The following CTU2 variants were observed in gnomAD, a reference collection of about 807,000 sequenced individuals.
The protein encoded by CTU2 is cytoplasmic tRNA 2-thiolation protein 2.
Under a neutral mutation model 64.1 loss-of-function variants are expected in CTU2, and 80 were observed. That is an observed-to-expected ratio of 1.25 (90% CI 1.04 to 1.50). CTU2 has a LOEUF of 1.50. Among genes scored for constraint, CTU2 ranks in the 40% most tolerant of loss-of-function variants. The pLI, the probability that CTU2 is intolerant of heterozygous loss-of-function variation, is 0.00. For synonymous variants in CTU2, 482 were observed against 285.3 expected (o/e 1.69, Z -6.95); for missense variants, 1,110 against 690.2 (o/e 1.61, Z -6.81).
At position 88,706,595 on chromosome 16, in the gene CTU2, C is replaced by A; in HGVS notation, c.65C>A (p.Pro22His). Residue 22 changes from proline (P) to histidine (H), a missense_variant, in exon 1 of 15, where the codon CCC becomes CAC. Transcript: ENST00000453996. ...APEEPPPAPR[P>H]SREQKCVKCK... ...GAGGAGCCGCCCCCGGCGCCGCGGC[C>A]CAGGTAAGAGCTGGCGGCCGGACCC... is the stretch of plus-strand genomic sequence containing the variant. 6.9e-7 allele frequency: 1 copy of A among 1,446,830 alleles called. No homozygotes were observed. The highest frequency in any genetic ancestry group is 9.0e-7 in the Non-Finnish European group (1 of 1,107,214). 89.6% of individuals were successfully genotyped at this position (1,446,830 alleles called of 1,614,324 possible). A position where few individuals can be genotyped will look rare whatever the true frequency, so the allele number is the denominator to read the frequency against.
At position 88,710,478 on chromosome 16, in the gene CTU2, G is replaced by A. The variant is rs1437146410; in HGVS notation, c.282+196G>A. 7 of 593,072 alleles carry A rather than the reference G, an allele frequency of 1.2e-5. No homozygotes were observed. The Admixed American group carries it at 2.1e-4, about 18-fold the overall frequency. The allele number at this position is 593,072 out of a possible 1,614,324, so 36.7% of individuals were successfully genotyped here. ...AGCTGAGTCCACAGTGTGTGTGTGC[G>A]GCCCACTCTCAGATGTGTTTACAGC... On this transcript the variant is annotated intron_variant, in intron 4 of 14. Coordinates refer to ENST00000453996, the MANE Select transcript of CTU2 (RefSeq NM_001012759.3).
intron 9 of CTU2, 88 bp from the exon 10 acceptor site, chr16:88,714,048 G>C: frequency 1.5e-6 from 2 of 1,333,868 alleles, no homozygotes; most frequent in Non-Finnish European, 2.1e-6. Flanking sequence ...CAGCAGCGTG[G>C]AACCCACGGC....
intron 2 of CTU2, among the ~76,000 whole-genome samples, 200 bp downstream of exon 2, chr16:88,707,410 C>A (rs1365623643): frequency 6.6e-6 from 1 of 152,200 alleles, no homozygotes; most frequent in Non-Finnish European, 1.5e-5. Flanking sequence ...TTCCCATGAG[C>A]TAGCCACAGA....
At chr16:88,713,538 C>T in intron 8 of CTU2, 91 bp downstream of exon 8, 2 of 1,433,080 alleles carry the variant, frequency 1.4e-6, no homozygotes, top group East Asian at 2.5e-5. Context: ...CGTATCAGTC[C>T]TGCGGCCTCG....
In CTU2 at chr16:88,713,684, T is replaced by C. The variant is rs1349823745; in HGVS notation, c.911T>C (p.Val304Ala). 1 of 1,612,518 alleles carries C rather than the reference T, an allele frequency of 6.2e-7. No individual in the cohort carries two copies. Among genetic ancestry groups the C allele is most frequent in the Non-Finnish European group, 8.5e-7 (1 of 1,179,832 alleles). ...SDERHGDVVV[V>A]RPMRDHTLKE... ...GAGCGGCACGGGGACGTGGTGGTGG[T>C]GCGGCCCATGCGGGACCACACCCTG... Residue 304 changes from valine (V) to alanine (A), a missense_variant, in exon 9 of 15, where the codon GTG becomes GCG. Coordinates refer to ENST00000453996, the MANE Select transcript of CTU2 (RefSeq NM_001012759.3).
intron 1 of CTU2, chr16:88,706,879 C>T (rs999449565): frequency 5.7e-5 from 32 of 558,624 alleles, no homozygotes; most frequent in South Asian, 3.4e-4. Context: ...TGTCTCGCCT[C>T]CCCGTGTCAG....
At position 88,707,815 on chromosome 16, in the gene CTU2, T is replaced by TC. The variant is rs907290836; in HGVS notation, c.143+605_143+606insC. Among the ~76,000 whole-genome samples the TC allele has an allele frequency of 3.0e-3, 420 of 138,308 alleles. 1 individual carries two copies. Among genetic ancestry groups the TC allele is most frequent in the Middle Eastern group, 7.7e-3 (2 of 260 alleles). 90.7% of individuals were successfully genotyped at this position (138,308 alleles called of 152,430 possible). ...TGGTTTTTTTGTTGTTGTTGTTGTT[T>TC]TTTTTGAGATGGAGTCTCCCTCTGT... On this transcript the variant is annotated intron_variant, in intron 2 of 14. Transcript: ENST00000453996.
chr16:88,707,174 C>G lies in CTU2; in HGVS notation c.107C>G (p.Pro36Arg), dbSNP rs775328559. ...QKCVKCKEAQ[P>R]VVVIRAGDAF... ...TGTGTGAAGTGCAAGGAAGCGCAGC[C>G]CGTTGTGGTGATACGAGCCGGAGAT... The change falls in exon 2 of 15, where the codon CCC becomes CGC. Residue 36 changes from proline to arginine, a missense_variant. Physicochemically the swap from Pro to Arg is moderately radical, Grantham distance 103 (BLOSUM62 -2). Coordinates refer to ENST00000453996, the MANE Select transcript of CTU2 (RefSeq NM_001012759.3). 6.2e-7 allele frequency: 1 copy of G among 1,613,918 alleles called. No individual in the cohort carries two copies. The highest frequency in any genetic ancestry group is 1.1e-5 in the South Asian group (1 of 91,088).
intron 1 of CTU2, 55 bp downstream of exon 1, chr16:88,706,653 C>G: frequency 1.6e-6 from 2 of 1,279,598 alleles, no homozygotes; most frequent in Non-Finnish European, 2.0e-6. Context: ...CGCCGCACTC[C>G]TGCCCCGAAG....
In CTU2 at chr16:88,715,386, A is replaced by ACTC. The variant is rs1045222014; in HGVS notation, c.*136_*138dup. Reference sequence around the variant, plus strand: ...AAAACATTTTTTAATTAAAAAAAAAACTCTACAGTACACGTGGGGGACGGC... The same window carrying ACTC: ...AAAACATTTTTTAATTAAAAAAAAAACTCCTCTACAGTACACGTGGGGGACGGC... On this transcript the variant is annotated 3_prime_UTR_variant, in exon 15 of 15. Coordinates refer to ENST00000453996, the MANE Select transcript of CTU2 (RefSeq NM_001012759.3). 7.5e-6 allele frequency: 8 copies of ACTC among 1,064,446 alleles called. No homozygotes were observed. The Admixed American group carries it at 8.2e-5, about 11-fold the overall frequency. The allele number at this position is 1,064,446 out of a possible 1,614,324, so 65.9% of individuals were successfully genotyped here.
rs949923900 is a variant in CTU2, at chr16:88,710,070, T to C, written c.222+54T>C. The C allele has an allele frequency of 1.0e-5, 16 of 1,597,266 alleles. No homozygotes were observed. The Admixed American group carries it at 2.5e-4, about 25-fold the overall frequency. On this transcript the variant is annotated intron_variant, in intron 3 of 14. Coordinates refer to ENST00000453996, the MANE Select transcript of CTU2 (RefSeq NM_001012759.3). ...GAGCAGCCTGGCCCCTCGAGGTCCC[T>C]GCTTGTCCCTCCCACAGGCAGCCTG...
At position 88,712,608 on chromosome 16, in the gene CTU2, C is replaced by T; in HGVS notation, c.454-14C>T. ...GTGTCCCGGGCCTCACTGGCGTCTC[C>T]CTCATCCCGGAAGGTGTTCAGCCTG... On this transcript the variant is annotated splice_polypyrimidine_tract_variant and intron_variant, in intron 6 of 14. Transcript: ENST00000453996. 6.2e-7 allele frequency: 1 copy of T among 1,607,154 alleles called. No individual in the cohort carries two copies. The highest frequency in any genetic ancestry group is 8.5e-7 in the Non-Finnish European group (1 of 1,177,786).
At position 88,707,210 on chromosome 16, in the gene CTU2, G is replaced by C. The variant is rs201342028; in HGVS notation, c.143G>C (p.Arg48Thr). Residue 48 changes from arginine (R) to threonine (T), a missense_variant and splice_region_variant, in exon 2 of 15, where the codon AGG becomes ACG. Transcript: ENST00000453996. ...ATACGAGCCGGAGATGCCTTCTGCA[G>C]GTGAGGCCTGGAGGTGGCTGAGACC... ...VVIRAGDAFC[R>T]DCFKAFYVHK... 3.7e-6 allele frequency: 6 copies of C among 1,613,912 alleles called. No homozygotes were observed. The highest frequency in any genetic ancestry group is 5.1e-6 in the Non-Finnish European group (6 of 1,179,930).
At chr16:88,714,345 C>G (rs538934008) in intron 10 of CTU2, 38 bp from the exon 11 acceptor site, 4 of 1,608,168 alleles carry the variant, frequency 2.5e-6, no homozygotes, top group African/African-American at 1.3e-5. Flanking sequence ...AGCCCCAGCC[C>G]GTGTGATTCA....
chr16:88,712,594 C>G, intron 6 of CTU2, 28 bp from the exon 7 acceptor site: 1 of 1,600,924 alleles, frequency 6.2e-7, no homozygotes, highest in Non-Finnish European at 8.5e-7. Flanking sequence ...TGTCCCGGGC[C>G]TCACTGGCGT....
intron 8 of CTU2, 63 bp from the exon 9 acceptor site, chr16:88,713,583 CA>C (rs1287604972): frequency 6.3e-7 from 1 of 1,578,464 alleles, no homozygotes; most frequent in African/African-American, 1.4e-5. Flanking sequence ...CCCTACCTGG[CA>C]GGGGAGGAGG....
At chr16:88,710,172 TCTG>T in intron 3 of CTU2, 48 bp from the exon 4 acceptor site, 1 of 1,607,140 alleles carries the variant, frequency 6.2e-7, no homozygotes, top group Non-Finnish European at 8.5e-7. Context: ...AGGTGGGGTG[TCTG>T]CCTGTGTTGG....
Position 88,714,869 on chromosome 16 carries a change from C to G in CTU2, c.1362C>G (p.Pro454=), listed in dbSNP as rs1209520834. Residue 454 remains proline (P), a synonymous_variant, in exon 13 of 15, where the codon CCC becomes CCG. Transcript: ENST00000453996. Reference sequence around the variant, plus strand: ...AGCTCTGCTCCCGCAGGGAGGACCCCCAAGCCTGCATTGAGGAGCAGCTGT... The same window carrying G: ...AGCTCTGCTCCCGCAGGGAGGACCCGCAAGCCTGCATTGAGGAGCAGCTGT... The part of the protein sequence containing the change: ...CGQGACRRED[P]QACIEEQLCY... 10 of 1,612,658 alleles carry G rather than the reference C, an allele frequency of 6.2e-6. No homozygotes were observed. Among genetic ancestry groups the G allele is most frequent in the South Asian group, 1.1e-5 (1 of 91,086 alleles).
chr16:88,712,257 C>G lies in CTU2; in HGVS notation c.344-17C>G. 2 of 1,579,730 alleles carry G rather than the reference C, an allele frequency of 1.3e-6. No homozygotes were observed. Among genetic ancestry groups the G allele is most frequent in the Non-Finnish European group, 1.7e-6 (2 of 1,161,438 alleles). ...GCTCCTCTCTGAGCCCTGACTCTTT[C>G]TGCCTGGGTTTTTCAGAGGGAGCAG... On this transcript the variant is annotated splice_polypyrimidine_tract_variant and intron_variant, in intron 5 of 14. Coordinates refer to ENST00000453996, the MANE Select transcript of CTU2 (RefSeq NM_001012759.3).
Sources: gnomAD v4.1 joint callset for allele counts (sites outside exome capture counted in the v4.1 genomes callset) on GRCh38, gnomAD v4.1.1 for gene constraint, MANE v1.5 for transcripts, NCBI Gene and HGNC (gene_info 2026-07-23, HGNC 2026-07-21) for gene names.